The following SLC10A7 variants were observed in gnomAD, a reference collection of about 807,000 sequenced individuals.
SLC10A7 encodes the protein solute carrier family 10 member 7.
In SLC10A7, 29 loss-of-function variants were observed where a neutral mutation model predicts 43.2. The ratio of observed to expected loss-of-function variants is 0.67; its 90% confidence interval spans 0.50 to 0.92. The LOEUF is 0.92. SLC10A7 is among the 40% of genes least tolerant of loss of function. The pLI, the probability that SLC10A7 is intolerant of heterozygous loss-of-function variation, is 0.00. For synonymous variants in SLC10A7, 152 were observed against 144.8 expected, an observed-to-expected ratio of 1.05 and a Z score of -0.35; for missense variants, 295 against 403.2, an observed-to-expected ratio of 0.73 and a Z score of 2.30.
intron 6 of SLC10A7, among the ~76,000 whole-genome samples, chr4:146,312,412 CA>C (rs1732047600): frequency 6.6e-6 from 1 of 152,144 alleles, no homozygotes; most frequent in Non-Finnish European, 1.5e-5. Flanking sequence ...CATCACCTCA[CA>C]TAGTTACCTT....
chr4:146,460,911 TTTAAATGG>T (rs1560930582), intron 4 of SLC10A7, among the ~76,000 whole-genome samples: 1 of 151,986 alleles, frequency 6.6e-6, no homozygotes, highest in Non-Finnish European at 1.5e-5. Flanking sequence ...CTTGTTTATA[TTTAAATGG>T]TTTTGAGGTT....
At chr4:146,331,158 C>T (rs560188510) in intron 5 of SLC10A7, among the ~76,000 whole-genome samples, 3 of 152,150 alleles carry the variant, frequency 2.0e-5, no homozygotes, top group East Asian at 1.9e-4. Flanking sequence ...TTCTCTTAGA[C>T]GTACACTCAC....
chr4:146,489,449 C>A (rs897673328), intron 4 of SLC10A7, among the ~76,000 whole-genome samples: 1 of 152,108 alleles, frequency 6.6e-6, no homozygotes, highest in Admixed American at 6.5e-5. Flanking sequence ...AGTAATAATA[C>A]CTATCTCAAA....
chr4:146,267,835 A>G (rs1728655425), intron 10 of SLC10A7, among the ~76,000 whole-genome samples: 6 of 152,302 alleles, frequency 3.9e-5, no homozygotes, highest in African/African-American at 9.6e-5. Flanking sequence ...TAGATTTAGG[A>G]TTTCCAAATT....
At position 146,256,464 on chromosome 4, in the gene SLC10A7, A is replaced by G. The variant is rs375773254; in HGVS notation, c.*27T>C. On this transcript the variant is annotated 3_prime_UTR_variant, in exon 12 of 12. Coordinates refer to ENST00000335472, the MANE Select transcript of SLC10A7 (RefSeq NM_001029998.6). ...TATGTACAATCCTGTACATATATAC[A>G]TTGCTACAGAAAGTCCACCTCCTTT... 34 of 1,612,744 alleles carry G rather than the reference A, an allele frequency of 2.1e-5. No homozygotes were observed. The African/African-American group carries it at 4.5e-4, about 22-fold the overall frequency.
chr4:146,348,689 G>A (rs1403530450), intron 5 of SLC10A7, among the ~76,000 whole-genome samples: 1 of 152,090 alleles, frequency 6.6e-6, no homozygotes, highest in Admixed American at 6.5e-5. Context: ...AAATTTTCCT[G>A]AACCACACAT....
chr4:146,467,358 C>T (rs982854027), intron 4 of SLC10A7, among the ~76,000 whole-genome samples: 24 of 151,764 alleles, frequency 1.6e-4, no homozygotes, highest in Non-Finnish European at 4.4e-5. Context: ...ACTAGTAAAA[C>T]AGGGACTAGT....
At chr4:146,442,292 A>G (rs1730666243) in intron 5 of SLC10A7, 1 of 985,282 alleles carries the variant, frequency 1.0e-6, no homozygotes, top group African/African-American at 1.7e-5. Context: ...CATTAGTCAT[A>G]TCTTCCTTTC....
intron 4 of SLC10A7, among the ~76,000 whole-genome samples, chr4:146,493,761 C>G (rs1043832730): frequency 1.3e-4 from 20 of 152,110 alleles, no homozygotes; most frequent in African/African-American, 4.8e-4. Flanking sequence ...CAGGTTATGA[C>G]AAGAAATACT....
intron 10 of SLC10A7, among the ~76,000 whole-genome samples, chr4:146,271,568 A>C (rs1728896848): frequency 6.6e-6 from 1 of 152,172 alleles, no homozygotes; most frequent in African/African-American, 2.4e-5. Flanking sequence ...TACTTTTAAC[A>C]GAACAACCAT....
chr4:146,443,155 A>G (rs1215067059), intron 4 of SLC10A7, among the ~76,000 whole-genome samples: 3 of 152,226 alleles, frequency 2.0e-5, no homozygotes, highest in Admixed American at 2.0e-4. Flanking sequence ...TAAAACAATC[A>G]GAGATTGATT....
chr4:146,451,889 A>G (rs1731633178), intron 4 of SLC10A7, among the ~76,000 whole-genome samples: 2 of 152,072 alleles, frequency 1.3e-5, no homozygotes, highest in South Asian at 4.1e-4. Flanking sequence ...TGCCGAGAGC[A>G]GCAAAAGCTA....
intron 5 of SLC10A7, among the ~76,000 whole-genome samples, chr4:146,345,912 G>C (rs1030024086): frequency 6.6e-6 from 1 of 152,072 alleles, no homozygotes; most frequent in South Asian, 2.1e-4. Flanking sequence ...ATTTTGAAAA[G>C]AAGCCAATAG....
chr4:146,474,161 T>A (rs554149598), intron 4 of SLC10A7, among the ~76,000 whole-genome samples: 1 of 152,056 alleles, frequency 6.6e-6, no homozygotes, highest in South Asian at 2.1e-4. Context: ...GAATTTTTCC[T>A]TCCATAAGTA....
chr4:146,393,729 G>A (rs1156930603), intron 5 of SLC10A7, among the ~76,000 whole-genome samples: 2 of 152,180 alleles, frequency 1.3e-5, no homozygotes, highest in African/African-American at 4.8e-5. Flanking sequence ...AATTTGGAAA[G>A]TTGAAATTGG....
rs149455441 is a variant in SLC10A7 at position 146,256,523 on chromosome 4, A to G, written c.994-3T>C. On this transcript the variant is annotated splice_polypyrimidine_tract_variant and splice_region_variant and intron_variant, in intron 11 of 11. Coordinates refer to ENST00000335472, the MANE Select transcript of SLC10A7 (RefSeq NM_001029998.6). ...GTCGGCCTTGTCAGCTTCACTCCCT[A>G]CAAGGAAGGAAAACATGTTCAGAGT... The G allele has an allele frequency of 1.2e-4, 191 of 1,614,026 alleles. 2 individuals are homozygous for G. The East Asian group carries it at 3.7e-3, about 32-fold the overall frequency.
At chr4:146,420,424 C>G (rs966688724) in intron 5 of SLC10A7, among the ~76,000 whole-genome samples, 3 of 152,022 alleles carry the variant, frequency 2.0e-5, no homozygotes, top group African/African-American at 7.3e-5. Flanking sequence ...GTATAAGTAT[C>G]TAAGTAAAAA....
intron 5 of SLC10A7, among the ~76,000 whole-genome samples, chr4:146,387,738 G>C (rs1016156109): frequency 2.6e-5 from 4 of 152,084 alleles, no homozygotes; most frequent in African/African-American, 9.7e-5. Flanking sequence ...AAAGTTTCAG[G>C]ATACAAAATC....
At position 146,306,424 on chromosome 4, in the gene SLC10A7, A is replaced by G. The variant is rs550538469; in HGVS notation, c.472-415T>C. On this transcript the variant is annotated intron_variant, in intron 6 of 11. Transcript: ENST00000335472. ...TAACATTTTTATTTATGTAAATGAA[A>G]TAGTTTCTAACTTTCTGACTCCTTC... 2.6e-5 allele frequency among the ~76,000 whole-genome samples: 4 copies of G among 152,246 alleles called. No homozygotes were observed. In the South Asian group the frequency reaches 6.2e-4, roughly 24 times the overall value.
Sources: gnomAD v4.1 joint callset for allele counts (sites outside exome capture counted in the v4.1 genomes callset) on GRCh38, gnomAD v4.1.1 for gene constraint, MANE v1.5 for transcripts, NCBI Gene and HGNC (gene_info 2026-07-23, HGNC 2026-07-21) for gene names.